The following LARP1 variants were observed in gnomAD, a reference collection of about 807,000 sequenced individuals.
LARP1 encodes the protein La ribonucleoprotein 1, translational regulator.
Under a neutral mutation model 122.7 loss-of-function variants are expected in LARP1, and 36 were observed. The ratio of observed to expected loss-of-function variants is 0.29; its 90% CI spans 0.22 to 0.39. The LOEUF is 0.39. LARP1 is among the 10% of genes least tolerant of loss of function. The probability of loss-of-function intolerance (pLI) is 1.00; values close to 1 mark genes in which losing one functional copy is unlikely to be tolerated. For synonymous variants in LARP1, 539 were observed against 528.7 expected (o/e 1.02, Z -0.27); for missense variants, 1,040 against 1,403.6 (o/e 0.74, Z 4.14).
chr5:154,725,055 G>A (rs926441858), intron 1 of LARP1, among the ~76,000 whole-genome samples: 1 of 151,580 alleles, frequency 6.6e-6, no homozygotes, highest in Non-Finnish European at 1.5e-5. Flanking sequence ...GGCCAGCCTG[G>A]GCAATATAGT....
chr5:154,689,778 C>G (rs559642244), intron 1 of LARP1, among the ~76,000 whole-genome samples: 1 of 152,222 alleles, frequency 6.6e-6, no homozygotes, highest in South Asian at 2.1e-4. Context: ...AGTTGAGACT[C>G]AAAAATGGAG....
At position 154,755,639 on chromosome 5, in the gene LARP1, T is replaced by C; in HGVS notation, c.-119T>C. ...CCTCGCGTGAACCCCGACCCTTCTC[T>C]GCAGGGACTGGGGCCCAGCGCCCCG... On this transcript the variant is annotated 5_prime_UTR_variant, in exon 1 of 19. Coordinates refer to ENST00000518297, the MANE Select transcript of LARP1 (RefSeq NM_033551.3). The C allele has an allele frequency of 1.0e-6, 1 of 987,324 alleles. No individual in the cohort carries two copies. The highest frequency in any genetic ancestry group is 1.2e-6 in the Non-Finnish European group (1 of 830,050). The allele number at this position is 987,324 out of a possible 1,614,324, so 61.2% of individuals were successfully genotyped here.
At chr5:154,804,114 C>A in intron 13 of LARP1, 87 bp from the exon 14 acceptor site, 1 of 923,744 alleles carries the variant, frequency 1.1e-6, no homozygotes, top group Non-Finnish European at 1.8e-6. Flanking sequence ...TGTGAGAGAT[C>A]ATGCCCATCT....
intron 2 of LARP1, 23 bp downstream of exon 2, chr5:154,790,409 C>T (rs1390942689): frequency 6.2e-7 from 1 of 1,607,588 alleles, no homozygotes; most frequent in Non-Finnish European, 8.5e-7. Context: ...AGTGGGCAAC[C>T]CAAGGGGACT....
rs1756435283 is a variant in LARP1, at chr5:154,729,631, T to A, written c.205+16501T>A. ...ACCAGCCACTCCACCCAAACACACT[T>A]TGTGAGAACCAATGAATAGGAGCCT... is the stretch of plus-strand genomic sequence containing the variant. On this transcript the variant is annotated intron_variant, in intron 1 of 18. Coordinates refer to the LARP1 transcript ENST00000336314. 1.2e-5 allele frequency: 5 copies of A among 415,300 alleles called. 1 individual carries two copies. Among genetic ancestry groups the A allele is most frequent in the South Asian group, 9.5e-5 (5 of 52,492 alleles). The allele number at this position is 415,300 out of a possible 1,614,324, so 25.7% of individuals were successfully genotyped here.
At chr5:154,740,375 A>T (rs1313869941) in intron 1 of LARP1, among the ~76,000 whole-genome samples, 1 of 151,200 alleles carries the variant, frequency 6.6e-6, no homozygotes, top group African/African-American at 2.4e-5. Context: ...CCTGGGCAAC[A>T]AGAGTGAAAC....
In LARP1 at chr5:154,800,051, G is replaced by A. The variant is rs775883425; in HGVS notation, c.1716+9G>A. The A allele has an allele frequency of 1.9e-6, 3 of 1,612,212 alleles. No homozygotes were observed. The highest frequency in any genetic ancestry group is 2.5e-6 in the Non-Finnish European group (3 of 1,179,470). Reference sequence around the variant, plus strand: ...CCCCAGCACGGCCCAAGGTGGGTGAGGCCTTGTCCCTTGCCTTGGTTCTAG... The same window carrying A: ...CCCCAGCACGGCCCAAGGTGGGTGAAGCCTTGTCCCTTGCCTTGGTTCTAG... On this transcript the variant is annotated intron_variant, in intron 10 of 18. Transcript: ENST00000518297.
intron 1 of LARP1, among the ~76,000 whole-genome samples, chr5:154,764,906 A>C: frequency 9.7e-6 from 1 of 103,318 alleles, no homozygotes; most frequent in Non-Finnish European, 1.8e-5. Context: ...CTCCATCACA[A>C]AAAAAAAAAA....
chr5:154,743,754 G>T (rs536586724), intron 1 of LARP1, among the ~76,000 whole-genome samples: 9 of 151,720 alleles, frequency 5.9e-5, no homozygotes, highest in Admixed American at 4.0e-4. Flanking sequence ...CAAGTAGTTG[G>T]GATTACAGGC....
At chr5:154,774,352 A>G (rs941411308) in intron 1 of LARP1, among the ~76,000 whole-genome samples, 1 of 152,146 alleles carries the variant, frequency 6.6e-6, no homozygotes, top group African/African-American at 2.4e-5. Flanking sequence ...AGTAGCAGCT[A>G]TGGCACCCAG....
intron 1 of LARP1, among the ~76,000 whole-genome samples, chr5:154,721,082 C>T (rs1012792165): frequency 6.6e-6 from 1 of 151,446 alleles, no homozygotes; most frequent in Non-Finnish European, 1.5e-5. Flanking sequence ...GTGGTTCACA[C>T]TTGTAATCCC....
At chr5:154,691,837 C>T (rs576920917) in intron 1 of LARP1, among the ~76,000 whole-genome samples, 3 of 151,016 alleles carry the variant, frequency 2.0e-5, no homozygotes, top group African/African-American at 4.8e-5. Flanking sequence ...GAGGCTCTGC[C>T]TCAAAAAAGT....
chr5:154,735,846 C>T (rs1307897945), intron 1 of LARP1, among the ~76,000 whole-genome samples: 2 of 152,020 alleles, frequency 1.3e-5, no homozygotes, highest in East Asian at 1.9e-4. Context: ...GCTGGGATTA[C>T]AGGCATGAGG....
chr5:154,813,905 G>T lies in LARP1; in HGVS notation c.3100G>T (p.Gly1034Cys). ...FRVDPPMGEE[G>C]NHKRHSVVAG... ...GTTGCAGCCCCCCATGGGTGAGGAG[G>T]GCAACCACAAGCGACACTCAGTGGT... Residue 1034 changes from glycine (G) to cysteine (C), a missense_variant, in exon 19 of 19, where the codon GGC (glycine) becomes TGC (cysteine). By Grantham distance (159) the Gly-to-Cys change is radical (BLOSUM62 -3). This residue lies in a region of LARP1 where 129 missense variants were observed against 160.8 expected (regional missense o/e 0.80). Transcript: ENST00000518297. 1 of 1,613,968 alleles carries T rather than the reference G, an allele frequency of 6.2e-7. No homozygotes were observed. Among genetic ancestry groups the T allele is most frequent in the Non-Finnish European group, 8.5e-7 (1 of 1,179,974 alleles).
In LARP1 at chr5:154,707,640, G is replaced by C. The variant is rs139647001; in HGVS notation, c.-180+24603G>C. Among the ~76,000 whole-genome samples, 494 of 152,248 alleles carry C rather than the reference G, an allele frequency of 3.2e-3. 4 individuals are homozygous for C. Among genetic ancestry groups the C allele is most frequent in the African/African-American group, 0.011 (464 of 41,562 alleles). On this transcript the variant is annotated intron_variant, in intron 1 of 18. Transcript: ENST00000687700. ...GACAATTTTTCCACAGCTGGGGTGGGGGGGCATGGTTTCAGGATGATTCAA... is the reference window on the plus strand; with the variant it reads ...GACAATTTTTCCACAGCTGGGGTGGCGGGGCATGGTTTCAGGATGATTCAA...
At chr5:154,705,206 C>T (rs1293093343) in intron 1 of LARP1, among the ~76,000 whole-genome samples, 1 of 151,806 alleles carries the variant, frequency 6.6e-6, no homozygotes, top group East Asian at 1.9e-4. Flanking sequence ...AAAAAATGCT[C>T]AACATCACTA....
At chr5:154,689,653 A>G (rs886606645) in intron 1 of LARP1, among the ~76,000 whole-genome samples, 1 of 152,020 alleles carries the variant, frequency 6.6e-6, no homozygotes, top group Non-Finnish European at 1.5e-5. Flanking sequence ...AAAGAAAAGA[A>G]AAAACATTTT....
chr5:154,773,805 G>A (rs552727913), intron 1 of LARP1, among the ~76,000 whole-genome samples: 188 of 152,352 alleles, frequency 1.2e-3, no homozygotes, highest in Non-Finnish European at 2.4e-3. Context: ...ATGGAAGCAG[G>A]CCAGCACTGG....
rs768829632 is a variant in LARP1, at chr5:154,803,486, G to T, written c.2234-54G>T. On this transcript the variant is annotated intron_variant, in intron 12 of 18. Transcript: ENST00000518297. This position sits in a 1 kb window ranked among gnomAD's most constrained non-coding sequence, Gnocchi z 4.4. Reference sequence around the variant, plus strand: ...GCCCTTGGACTGGGGGCTATCCTGGGGTGGATGCCACAGGCCTTTCCCTGC... The same window carrying T: ...GCCCTTGGACTGGGGGCTATCCTGGTGTGGATGCCACAGGCCTTTCCCTGC... The T allele has an allele frequency of 6.2e-7, 1 of 1,613,942 alleles. No individual in the cohort carries two copies. Among genetic ancestry groups the T allele is most frequent in the Non-Finnish European group, 8.5e-7 (1 of 1,179,946 alleles).
Sources: allele counts gnomAD v4.1 joint callset (sites outside exome capture counted in the v4.1 genomes callset), GRCh38; gene constraint gnomAD v4.1.1; regional missense constraint gnomAD v4.1.1; non-coding constraint Gnocchi (gnomAD v3.1); transcripts MANE v1.5; gene names NCBI Gene and HGNC (gene_info 2026-07-23, HGNC 2026-07-21).